SCAPER: variants seen among roughly 807,000 people sequenced by gnomAD.
SCAPER encodes the protein S-phase cyclin A associated protein in the ER, also known as S phase cyclin A-associated protein in the endoplasmic reticulum.
SCAPER carries 98 observed loss-of-function variants against 182.2 expected under a neutral mutation model. That is an observed-to-expected ratio of 0.54 (90% CI 0.46 to 0.64). The LOEUF (loss-of-function observed/expected upper bound fraction) is 0.64. SCAPER is among the 30% of genes least tolerant of loss of function. The probability of loss-of-function intolerance (pLI) is 0.00; values close to 1 mark genes in which losing one functional copy is unlikely to be tolerated. For synonymous variants in SCAPER, 605 were observed against 564.6 expected (o/e 1.07, Z -1.01); for missense variants, 1,432 against 1,690.0 (o/e 0.85, Z 2.68).
At chr15:76,868,784 A>G (rs1344923668) in intron 2 of SCAPER, among the ~76,000 whole-genome samples, 1 of 152,208 alleles carries the variant, frequency 6.6e-6, no homozygotes, top group Admixed American at 6.5e-5. Flanking sequence ...AGAAAAAAAA[A>G]TCCTAAAACT....
intron 23 of SCAPER, among the ~76,000 whole-genome samples, chr15:76,539,933 T>C (rs1280660674): frequency 6.6e-6 from 1 of 152,156 alleles, no homozygotes; most frequent in Non-Finnish European, 1.5e-5. Context: ...GGATGCCTAC[T>C]GAAACACTGA....
chr15:76,746,306 C>T (rs1468193303), intron 15 of SCAPER, among the ~76,000 whole-genome samples: 1 of 152,208 alleles, frequency 6.6e-6, no homozygotes, highest in Non-Finnish European at 1.5e-5. Context: ...ACAGTTGATC[C>T]TCTGCATTCA....
chr15:76,756,243 CAAAAAAAAAAAA>C (rs34158299), intron 14 of SCAPER, among the ~76,000 whole-genome samples: 1 of 66,020 alleles, frequency 1.5e-5, no homozygotes, highest in Admixed American at 1.6e-4. Flanking sequence ...GACTCCGTCT[CAAAAAAAAAAAA>C]AAAAAAAAAA....
Position 76,703,103 on chromosome 15 carries a change from T to C in SCAPER, c.2248-101A>G, listed in dbSNP as rs532941816. 25 of 1,310,732 alleles carry C rather than the reference T, an allele frequency of 1.9e-5. No individual in the cohort carries two copies. In the South Asian group the frequency reaches 3.7e-4, roughly 20 times the overall value. The allele number at this position is 1,310,732 out of a possible 1,614,324, so 81.2% of individuals were successfully genotyped here. ...CATTAAAACTTCAAAAATAATAGAATGTCGTTTCTATGACAACTTACACAC... is the reference window on the plus strand; with the variant it reads ...CATTAAAACTTCAAAAATAATAGAACGTCGTTTCTATGACAACTTACACAC... On this transcript the variant is annotated intron_variant, in intron 18 of 31. Transcript: ENST00000563290.
intron 23 of SCAPER, among the ~76,000 whole-genome samples, chr15:76,560,890 T>C (rs2046565098): frequency 6.6e-6 from 1 of 152,148 alleles, no homozygotes; most frequent in Non-Finnish European, 1.5e-5. Context: ...TGTATTATAT[T>C]AAGGAGAAAT....
intron 6 of SCAPER, among the ~76,000 whole-genome samples, chr15:76,803,848 A>G (rs186842018): frequency 1.4e-3 from 208 of 151,916 alleles, no homozygotes; most frequent in African/African-American, 5.0e-3. Context: ...AGGCCACAGC[A>G]TGTACTATGT....
chr15:76,593,011 C>T (rs1434573167), intron 22 of SCAPER, among the ~76,000 whole-genome samples: 1 of 116,582 alleles, frequency 8.6e-6, no homozygotes, highest in African/African-American at 2.6e-5. Context: ...AGCCAGGGAG[C>T]GAACTCGTCT....
chr15:76,357,797 C>G (rs1308142034), intron 29 of SCAPER, among the ~76,000 whole-genome samples: 1 of 152,148 alleles, frequency 6.6e-6, no homozygotes, highest in Non-Finnish European at 1.5e-5. Context: ...TCTTTTGCAG[C>G]AACATGGATG....
intron 20 of SCAPER, among the ~76,000 whole-genome samples, chr15:76,681,766 T>G (rs564401042): frequency 3.3e-5 from 5 of 152,100 alleles, no homozygotes; most frequent in Non-Finnish European, 7.4e-5. Context: ...CAGACACTTA[T>G]GCTAACAGGG....
At chr15:76,416,727 A>C (rs924675015) in intron 26 of SCAPER, among the ~76,000 whole-genome samples, 6 of 152,222 alleles carry the variant, frequency 3.9e-5, no homozygotes, top group African/African-American at 1.4e-4. Flanking sequence ...GAAAAACAAA[A>C]GGAAAAGAAG....
At chr15:76,553,401 T>C (rs924374725) in intron 23 of SCAPER, among the ~76,000 whole-genome samples, 1 of 152,142 alleles carries the variant, frequency 6.6e-6, no homozygotes, top group Non-Finnish European at 1.5e-5. Flanking sequence ...CACCCCGCAG[T>C]GTCACCACAG....
chr15:76,687,617 T>G (rs1410465378), intron 20 of SCAPER, among the ~76,000 whole-genome samples: 1 of 152,080 alleles, frequency 6.6e-6, no homozygotes. Context: ...CAGGCCCCGG[T>G]GCGTGATGTT....
At chr15:76,494,654 C>T (rs532122097) in intron 24 of SCAPER, among the ~76,000 whole-genome samples, 3 of 152,230 alleles carry the variant, frequency 2.0e-5, no homozygotes, top group East Asian at 1.9e-4. Flanking sequence ...CAACCAAGAA[C>T]GCTCATTGAC....
At chr15:76,381,787 T>G (rs2042960254) in intron 27 of SCAPER, among the ~76,000 whole-genome samples, 172 bp from the exon 28 acceptor site, 1 of 152,308 alleles carries the variant, frequency 6.6e-6, no homozygotes, top group South Asian at 2.1e-4. Flanking sequence ...CCAACTGCAC[T>G]GTGGCTTTTT....
chr15:76,707,417 G>A (rs1343311330), intron 17 of SCAPER, among the ~76,000 whole-genome samples: 1 of 151,890 alleles, frequency 6.6e-6, no homozygotes. Flanking sequence ...ACACAAAAAG[G>A]ATGAAAATAT....
At chr15:76,720,705 T>C (rs552622479) in intron 17 of SCAPER, among the ~76,000 whole-genome samples, 10 of 152,224 alleles carry the variant, frequency 6.6e-5, no homozygotes, top group Admixed American at 1.3e-4. Context: ...TTTCATGTGG[T>C]TCTTGGCTGC....
chr15:76,446,352 A>G lies in SCAPER; in HGVS notation c.3079-12042T>C, dbSNP rs144233929. ...TTTATTACTATTTCCAGGGCACTGC[A>G]ACAAGTGATCATGATTAGATAAATG... On this transcript the variant is annotated intron_variant, in intron 25 of 31. Coordinates refer to ENST00000563290, the MANE Select transcript of SCAPER (RefSeq NM_020843.4). Among the ~76,000 whole-genome samples the G allele has an allele frequency of 2.0e-5, 3 of 152,350 alleles. No individual in the cohort carries two copies. The East Asian group carries it at 5.8e-4, about 29-fold the overall frequency.
intron 5 of SCAPER, among the ~76,000 whole-genome samples, chr15:76,826,965 T>C (rs2068067341): frequency 6.6e-6 from 1 of 152,238 alleles, no homozygotes; most frequent in Non-Finnish European, 1.5e-5. Flanking sequence ...TTCAGTTTCA[T>C]ATTCTGCTCT....
At chr15:76,612,724 A>C (rs570849542) in intron 22 of SCAPER, among the ~76,000 whole-genome samples, 1 of 152,200 alleles carries the variant, frequency 6.6e-6, no homozygotes, top group Non-Finnish European at 1.5e-5. Flanking sequence ...GAGAGGTAAA[A>C]TATCTCTACA....
Sources: gnomAD v4.1 joint callset for allele counts (sites outside exome capture counted in the v4.1 genomes callset) on GRCh38, gnomAD v4.1.1 for gene constraint, MANE v1.5 for transcripts, NCBI Gene and HGNC (gene_info 2026-07-23, HGNC 2026-07-21) for gene names.